FANCC: variants seen among roughly 807,000 people sequenced by gnomAD.
FANCC encodes the protein FA complementation group C, also known as Fanconi anemia group C protein.
FANCC carries 55 observed loss-of-function variants against 71.3 expected under a neutral mutation model. The observed-to-expected ratio is 0.77, with a 90% CI of 0.62 to 0.97. FANCC has a LOEUF of 0.97. Among genes scored for constraint, FANCC ranks in the 50% least tolerant of loss-of-function variants. The pLI, the probability that FANCC is intolerant of heterozygous loss-of-function variation, is 0.00. For missense variants in FANCC, 678 were observed against 670.9 expected (o/e 1.01, Z -0.12); for synonymous variants, 275 against 244.9 (o/e 1.12, Z -1.15).
chr9:95,209,690 C>T (rs183878150), intron 4 of FANCC, among the ~76,000 whole-genome samples: 1 of 152,250 alleles, frequency 6.6e-6, no homozygotes, highest in African/African-American at 2.4e-5. Flanking sequence ...TCTCATCCGG[C>T]CCCCTTTATA....
At chr9:95,107,383 TGA>T in intron 13 of FANCC, 114 bp from the exon 14 acceptor site, 2 of 1,141,854 alleles carry the variant, frequency 1.8e-6, no homozygotes, top group Non-Finnish European at 2.5e-6. Context: ...CACTGGCCCC[TGA>T]GAGAGGGAGC....
intron 1 of FANCC, among the ~76,000 whole-genome samples, chr9:95,314,007 C>T (rs911719275): frequency 6.6e-6 from 1 of 152,080 alleles, no homozygotes; most frequent in Non-Finnish European, 1.5e-5. Flanking sequence ...AATGTTTTCC[C>T]CCTAAGATGA....
intron 14 of FANCC, among the ~76,000 whole-genome samples, chr9:95,105,541 G>A (rs1329772146): frequency 6.6e-6 from 1 of 152,124 alleles, no homozygotes; most frequent in East Asian, 1.9e-4. Context: ...CATAAAATGT[G>A]CTGTTTTACC....
At chr9:95,132,971 A>T (rs1396501163) in intron 8 of FANCC, among the ~76,000 whole-genome samples, 2 of 152,234 alleles carry the variant, frequency 1.3e-5, no homozygotes, top group Non-Finnish European at 2.9e-5. Flanking sequence ...TCACACTTTA[A>T]TTACTCTCAG....
At chr9:95,116,408 T>A (rs1467955009) in intron 11 of FANCC, among the ~76,000 whole-genome samples, 2 of 152,188 alleles carry the variant, frequency 1.3e-5, no homozygotes, top group Non-Finnish European at 2.9e-5. Context: ...AACCTACATC[T>A]TCTCGAAAAA....
At chr9:95,303,644 C>T (rs1834890585) in intron 1 of FANCC, among the ~76,000 whole-genome samples, 1 of 152,196 alleles carries the variant, frequency 6.6e-6, no homozygotes, top group South Asian at 2.1e-4. Flanking sequence ...CTCACATGAC[C>T]TCTTCTTTGT....
chr9:95,310,473 A>G (rs1024928369), intron 1 of FANCC, among the ~76,000 whole-genome samples: 2 of 152,214 alleles, frequency 1.3e-5, no homozygotes, highest in African/African-American at 4.8e-5. Context: ...TGCTTCCCTC[A>G]TGATAGCAAA....
At chr9:95,128,038 C>T (rs1826272175) in intron 8 of FANCC, among the ~76,000 whole-genome samples, 1 of 152,174 alleles carries the variant, frequency 6.6e-6, no homozygotes, top group African/African-American at 2.4e-5. Context: ...AATTCATTAT[C>T]TATGCAAGAA....
Position 95,111,649 on chromosome 9 carries a change from G to A in FANCC, c.1155-12C>T, listed in dbSNP as rs780201404. ...GACCTCCGCAGGACCTGGAACAGAG[G>A]CAGAACACATGGCAGTTGACAACCT... is the stretch of plus-strand genomic sequence containing the variant. On this transcript the variant is annotated splice_polypyrimidine_tract_variant and intron_variant, in intron 12 of 14. Coordinates refer to ENST00000289081, the MANE Select transcript of FANCC (RefSeq NM_000136.3). The A allele has an allele frequency of 1.9e-6, 3 of 1,614,106 alleles. No individual in the cohort carries two copies. Among genetic ancestry groups the A allele is most frequent in the Non-Finnish European group, 8.5e-7 (1 of 1,180,032 alleles).
At chr9:95,216,257 C>G (rs1046767161) in intron 4 of FANCC, among the ~76,000 whole-genome samples, 1 of 152,108 alleles carries the variant, frequency 6.6e-6, no homozygotes, top group Non-Finnish European at 1.5e-5. Context: ...AGAAAGATTT[C>G]ACAATGATAA....
chr9:95,112,697 G>C (rs972875788), intron 12 of FANCC, among the ~76,000 whole-genome samples: 3 of 152,178 alleles, frequency 2.0e-5, no homozygotes, highest in Admixed American at 2.0e-4. Context: ...CAGCTCCCAG[G>C]TTGGCAGCGT....
At chr9:95,227,504 C>T (rs1184521196) in intron 4 of FANCC, among the ~76,000 whole-genome samples, 1 of 152,208 alleles carries the variant, frequency 6.6e-6, no homozygotes, top group African/African-American at 2.4e-5. Flanking sequence ...CAGGAGACGA[C>T]TGACAGAAGT....
chr9:95,151,736 C>T (rs1232627198), intron 6 of FANCC, among the ~76,000 whole-genome samples: 1 of 152,006 alleles, frequency 6.6e-6, no homozygotes, highest in Non-Finnish European at 1.5e-5. Flanking sequence ...AAGACCAGCA[C>T]AGGTAACATG....
chr9:95,101,953 T>G, intron 14 of FANCC, 103 bp from the exon 15 acceptor site: 1 of 1,324,268 alleles, frequency 7.6e-7, no homozygotes, highest in Non-Finnish European at 1.1e-6. Context: ...AAAGAAGCCC[T>G]ATCCAGCATT....
intron 1 of FANCC, chr9:95,294,955 C>T: frequency 1.6e-6 from 1 of 631,714 alleles, no homozygotes; most frequent in Non-Finnish European, 2.4e-6. Flanking sequence ...GCCTTTTGTA[C>T]TTGTAAACAG....
At chr9:95,193,819 G>A (rs556233727) in intron 4 of FANCC, among the ~76,000 whole-genome samples, 1 of 152,344 alleles carries the variant, frequency 6.6e-6, no homozygotes, top group East Asian at 1.9e-4. Flanking sequence ...GTGCTCACTG[G>A]AGCAAAAGAG....
intron 12 of FANCC, among the ~76,000 whole-genome samples, 185 bp from the exon 13 acceptor site, chr9:95,111,822 A>G (rs1052513926): frequency 6.6e-6 from 1 of 152,262 alleles, no homozygotes; most frequent in African/African-American, 2.4e-5. Flanking sequence ...CCATCACAGG[A>G]CATCGAAAGA....
At chr9:95,272,433 CA>C (rs1832795132) in intron 1 of FANCC, among the ~76,000 whole-genome samples, 1 of 152,060 alleles carries the variant, frequency 6.6e-6, no homozygotes, top group Non-Finnish European at 1.5e-5. Flanking sequence ...CTAAAATGAA[CA>C]TAAGTTAGCC....
chr9:95,191,715 C>T (rs1404305408), intron 4 of FANCC, among the ~76,000 whole-genome samples: 2 of 152,060 alleles, frequency 1.3e-5, no homozygotes, highest in Admixed American at 1.3e-4. Flanking sequence ...CACATGGTTG[C>T]TCCAGTCAAC....
Sources: gnomAD v4.1 joint callset for allele counts (sites outside exome capture counted in the v4.1 genomes callset) on GRCh38, gnomAD v4.1.1 for gene constraint, MANE v1.5 for transcripts, NCBI Gene and HGNC (gene_info 2026-07-23, HGNC 2026-07-21) for gene names.